The following GRIA3 variants were observed in gnomAD, a reference collection of about 807,000 sequenced individuals.
The protein encoded by GRIA3 is glutamate receptor 3.
Under a neutral mutation model 63.0 loss-of-function variants are expected in GRIA3, and 3 were observed. The observed-to-expected ratio is 0.05, with a 90% CI of 0.02 to 0.12. GRIA3 has a LOEUF of 0.12. Among genes scored for constraint, GRIA3 ranks in the 10% least tolerant of loss-of-function variants. GRIA3 has a pLI of 1.00. For synonymous variants in GRIA3, 274 were observed against 257.9 expected (o/e 1.06, Z -0.60); for missense variants, 347 against 700.9 (o/e 0.50, Z 5.70).
intron 3 of GRIA3, among the ~76,000 whole-genome samples, chrX:123,322,297 G>A (rs762277678): frequency 8.9e-6 from 1 of 112,052 alleles, no homozygotes; most frequent in East Asian, 2.8e-4. Context: ...TTACCTATAT[G>A]GTAACTACCA....
intron 13 of GRIA3, among the ~76,000 whole-genome samples, chrX:123,471,908 G>GTGC (rs2045864268): frequency 1.0e-5 from 1 of 98,139 alleles, no homozygotes; most frequent in Admixed American, 1.2e-4. Flanking sequence ...TGTTGTCCAA[G>GTGC]TGCTGGATTC....
intron 3 of GRIA3, among the ~76,000 whole-genome samples, chrX:123,323,186 A>G (rs921860812): frequency 2.7e-5 from 3 of 112,377 alleles, no homozygotes; most frequent in African/African-American, 6.5e-5. Context: ...GTAATCCTAC[A>G]TCTCAGAGAT....
chrX:123,281,963 C>A (rs2044588562), intron 3 of GRIA3, among the ~76,000 whole-genome samples: 1 of 111,122 alleles, frequency 9.0e-6, no homozygotes, highest in Non-Finnish European at 1.9e-5. Flanking sequence ...AGTTGGTTGC[C>A]AACTACCTTA....
At chrX:123,412,444 AC>A (rs1382928272) in intron 10 of GRIA3, among the ~76,000 whole-genome samples, 2 of 112,085 alleles carry the variant, frequency 1.8e-5, no homozygotes, top group Admixed American at 9.5e-5. Context: ...ACAAAAAACA[AC>A]CCCATAAAAA....
rs59142587 is a variant in GRIA3, at chrX:123,345,439, AACACACACACACACACACAC to A, written c.697-9434_697-9415del. ...TCTCTGAGTGGGAGCCCCCCTTCAC[AACACACACACACACACACAC>A]ACACACACACACACACACACACACA... is the stretch of plus-strand genomic sequence containing the variant. On this transcript the variant is annotated intron_variant, in intron 4 of 15. Coordinates refer to ENST00000620443, the MANE Select transcript of GRIA3 (RefSeq NM_007325.5). 3.5e-4 allele frequency among the ~76,000 whole-genome samples: 23 copies of A among 65,871 alleles called. No individual in the cohort carries two copies. In the South Asian group the frequency reaches 4.4e-3, roughly 13 times the overall value. 57.2% of individuals were successfully genotyped at this position (65,871 alleles called of 115,157 possible).
At chrX:123,464,775 G>T in intron 12 of GRIA3, 90 bp from the exon 13 acceptor site, 1 of 797,707 alleles carries the variant, frequency 1.3e-6, no homozygotes. Flanking sequence ...TATTACTGTG[G>T]ATTGCAATTA....
chrX:123,423,405 C>A (rs2045573187), intron 11 of GRIA3, among the ~76,000 whole-genome samples: 2 of 111,535 alleles, frequency 1.8e-5, no homozygotes, highest in South Asian at 7.5e-4. Context: ...TTAAGCATAC[C>A]CTTTCCTCTG....
intron 12 of GRIA3, among the ~76,000 whole-genome samples, chrX:123,456,562 C>T (rs935289158): frequency 1.8e-5 from 2 of 110,635 alleles, no homozygotes; most frequent in African/African-American, 3.3e-5. Flanking sequence ...AATGGGCCCA[C>T]CCCAGCCACA....
chrX:123,244,149 T>C (rs1040465979), intron 2 of GRIA3, among the ~76,000 whole-genome samples: 12 of 112,555 alleles, frequency 1.1e-4, no homozygotes, highest in African/African-American at 3.9e-4. Context: ...GGCAGTATGC[T>C]CTTGAGAGCT....
chrX:123,471,363 T>C (rs1342016151), intron 13 of GRIA3, among the ~76,000 whole-genome samples: 3 of 112,436 alleles, frequency 2.7e-5, no homozygotes, highest in Admixed American at 1.9e-4. Context: ...AATTCCATTC[T>C]AATGATTTTT....
chrX:123,403,152 T>C (rs1168452782), intron 8 of GRIA3, 54 bp downstream of exon 8: 8 of 685,045 alleles, frequency 1.2e-5, no homozygotes, highest in Non-Finnish European at 1.9e-5. Flanking sequence ...GAGGACAGCA[T>C]TTGGATGTAA....
Position 123,243,321 on chromosome X carries a change from C to T in GRIA3, c.269-9982C>T, listed in dbSNP as rs181340278. ...TAATATTTCCTCCCATAGTCCTTGG[C>T]ATAAAAATACAAATTCCTTACCAAC... is the stretch of plus-strand genomic sequence containing the variant. On this transcript the variant is annotated intron_variant, in intron 2 of 15. Coordinates refer to ENST00000620443, the MANE Select transcript of GRIA3 (RefSeq NM_007325.5). Among the ~76,000 whole-genome samples the T allele has an allele frequency of 2.1e-4, 24 of 112,306 alleles. No individual in the cohort carries two copies. The East Asian group carries it at 6.5e-3, about 30-fold the overall frequency.
At chrX:123,212,630 A>C (rs1928067990) in intron 2 of GRIA3, among the ~76,000 whole-genome samples, 1 of 112,142 alleles carries the variant, frequency 8.9e-6, no homozygotes, top group Non-Finnish European at 1.9e-5. Flanking sequence ...ACAAATTAAT[A>C]ATTACTTATA....
intron 3 of GRIA3, among the ~76,000 whole-genome samples, chrX:123,269,363 A>G (rs73551750): frequency 0.025 from 2,767 of 112,014 alleles, 82 homozygotes; most frequent in African/African-American, 0.085. Flanking sequence ...TTTCTGCCAC[A>G]TAGTTAGCAT....
At chrX:123,472,191 T>C (rs1026801255) in intron 13 of GRIA3, among the ~76,000 whole-genome samples, 20 of 104,625 alleles carry the variant, frequency 1.9e-4, no homozygotes, top group Non-Finnish European at 2.7e-4. Flanking sequence ...AAACTGATTA[T>C]TTTTCTATGA....
At chrX:123,209,745 C>T (rs1927989129) in intron 2 of GRIA3, among the ~76,000 whole-genome samples, 1 of 111,087 alleles carries the variant, frequency 9.0e-6, no homozygotes, top group African/African-American at 3.3e-5. Flanking sequence ...AAAAATATTC[C>T]CAAGGTATAT....
Position 123,317,255 on chromosome X carries a change from TGGGTGGG to T in GRIA3, c.509-8769_509-8763del, listed in dbSNP as rs756228578. On this transcript the variant is annotated intron_variant, in intron 3 of 15. Coordinates refer to ENST00000620443, the MANE Select transcript of GRIA3 (RefSeq NM_007325.5). ...AGGAGATACAATTTAAGTTGAGATT[TGGGTGGG>T]GACACAGCCAAACCATATCATTCTG... is the stretch of plus-strand genomic sequence containing the variant. Among the ~76,000 whole-genome samples, 863 of 111,283 alleles carry T rather than the reference TGGGTGGG, an allele frequency of 7.8e-3. 11 individuals are homozygous for T. Among genetic ancestry groups the T allele is most frequent in the African/African-American group, 0.027 (815 of 30,570 alleles).
intron 3 of GRIA3, among the ~76,000 whole-genome samples, chrX:123,302,457 T>A (rs2044729463): frequency 9.0e-6 from 1 of 111,661 alleles, no homozygotes; most frequent in Non-Finnish European, 1.9e-5. Context: ...GGAAAGAGCA[T>A]AGGCTTTGGA....
intron 13 of GRIA3, among the ~76,000 whole-genome samples, chrX:123,471,837 C>T (rs2045863943): frequency 9.6e-6 from 1 of 104,653 alleles, no homozygotes; most frequent in African/African-American, 3.5e-5. Context: ...TTCTAGAGAG[C>T]GGTATAGCAT....
Sources: allele counts gnomAD v4.1 joint callset (sites outside exome capture counted in the v4.1 genomes callset), GRCh38; gene constraint gnomAD v4.1.1; transcripts MANE v1.5; gene names NCBI Gene and HGNC (gene_info 2026-07-23, HGNC 2026-07-21).